The following BNC2 variants were observed in gnomAD, a reference collection of about 807,000 sequenced individuals.
BNC2 encodes the protein zinc finger protein basonuclin-2.
BNC2 carries 20 observed loss-of-function variants against 76.3 expected under a neutral mutation model. The observed-to-expected ratio is 0.26, with a 90% CI of 0.18 to 0.38. The LOEUF (loss-of-function observed/expected upper bound fraction) is 0.38, where lower values mean the gene tolerates loss of function less well. BNC2 is among the 10% of genes least tolerant of loss of function. The pLI is 1.00. For missense variants in BNC2, 1,382 were observed against 1,399.8 expected (o/e 0.99, Z 0.20); for synonymous variants, 582 against 514.8 (o/e 1.13, Z -1.77).
chr9:16,807,499 G>A (rs1197261155), intron 1 of BNC2, among the ~76,000 whole-genome samples: 1 of 152,140 alleles, frequency 6.6e-6, no homozygotes, highest in Non-Finnish European at 1.5e-5. Context: ...AAAGATGGAA[G>A]TTTTACTGGG....
chr9:16,835,741 C>G (rs1366767311), intron 1 of BNC2, among the ~76,000 whole-genome samples: 3 of 152,120 alleles, frequency 2.0e-5, no homozygotes, highest in East Asian at 1.9e-4. Context: ...ATCTATCTAG[C>G]AGAAAACTAT....
At chr9:16,604,957 G>A (rs1296411996) in intron 3 of BNC2, among the ~76,000 whole-genome samples, 1 of 152,112 alleles carries the variant, frequency 6.6e-6, no homozygotes, top group Non-Finnish European at 1.5e-5. Context: ...AAGCTAATAA[G>A]GCTACTGTAC....
At chr9:16,793,257 A>C (rs183538215) in intron 1 of BNC2, among the ~76,000 whole-genome samples, 4 of 152,204 alleles carry the variant, frequency 2.6e-5, no homozygotes, top group African/African-American at 9.6e-5. Context: ...ATTATCAATC[A>C]TAACAATCCA....
At chr9:16,694,210 A>G (rs1242832674) in intron 3 of BNC2, among the ~76,000 whole-genome samples, 1 of 152,162 alleles carries the variant, frequency 6.6e-6, no homozygotes, top group Non-Finnish European at 1.5e-5. Context: ...TGATTGAAAA[A>G]CTTATGTGAA....
chr9:16,744,337 G>A (rs562599430), intron 1 of BNC2, among the ~76,000 whole-genome samples: 5 of 152,254 alleles, frequency 3.3e-5, no homozygotes, highest in South Asian at 2.1e-4. Flanking sequence ...AAGGAAAAAC[G>A]TGGGAGAGAC....
chr9:16,441,019 T>C (rs1309353374), intron 5 of BNC2, among the ~76,000 whole-genome samples: 1 of 152,166 alleles, frequency 6.6e-6, no homozygotes, highest in East Asian at 1.9e-4. Context: ...GTGCCATAGG[T>C]GTCCTTTCCA....
intron 5 of BNC2, among the ~76,000 whole-genome samples, chr9:16,531,889 T>C (rs1377045935): frequency 2.6e-5 from 4 of 152,158 alleles, no homozygotes; most frequent in Non-Finnish European, 5.9e-5. Flanking sequence ...CCAATAGTAA[T>C]ATAGGAAGGA....
At chr9:16,855,993 G>A (rs1365117337) in intron 1 of BNC2, among the ~76,000 whole-genome samples, 1 of 152,086 alleles carries the variant, frequency 6.6e-6, no homozygotes, top group African/African-American at 2.4e-5. Context: ...CCGTACTTCA[G>A]GAATGCAATT....
rs1255336818 is a variant in BNC2 at position 16,767,507 on chromosome 9, A to G, written c.4-29022T>C. On this transcript the variant is annotated intron_variant, in intron 1 of 6. Coordinates refer to ENST00000380672, the MANE Select transcript of BNC2 (RefSeq NM_017637.6). ...TAGAGCTGAGCCTTTCCGGAGATCA[A>G]TGCTGAGGACAGAAATGGCTTCAGA... 2.0e-5 allele frequency among the ~76,000 whole-genome samples: 3 copies of G among 151,846 alleles called. No individual in the cohort carries two copies. In the East Asian group the frequency reaches 5.9e-4, roughly 30 times the overall value.
At chr9:16,551,364 G>A (rs1333590217) in intron 5 of BNC2, among the ~76,000 whole-genome samples, 1 of 152,172 alleles carries the variant, frequency 6.6e-6, no homozygotes, top group African/African-American at 2.4e-5. Flanking sequence ...ACAGGAAAAT[G>A]ACAAGAATCT....
intron 5 of BNC2, among the ~76,000 whole-genome samples, chr9:16,506,809 T>C (rs1243307553): frequency 1.3e-5 from 2 of 152,002 alleles, no homozygotes; most frequent in East Asian, 3.9e-4. Flanking sequence ...TGGAGTGCAG[T>C]GGTGCAATCT....
intron 5 of BNC2, among the ~76,000 whole-genome samples, chr9:16,502,546 CT>C (rs149919013): frequency 0.047 from 7,125 of 151,896 alleles, 387 homozygotes; most frequent in East Asian, 0.24. Context: ...TTTGTTTTGT[CT>C]TTTTTCCCCC....
At chr9:16,463,378 G>C (rs1821629881) in intron 5 of BNC2, among the ~76,000 whole-genome samples, 1 of 127,652 alleles carries the variant, frequency 7.8e-6, no homozygotes, top group South Asian at 2.4e-4. Context: ...CTCACTGCAA[G>C]CTCCGCCTCC....
intron 3 of BNC2, among the ~76,000 whole-genome samples, chr9:16,663,726 G>T (rs1051289921): frequency 6.6e-6 from 1 of 152,090 alleles, no homozygotes; most frequent in Non-Finnish European, 1.5e-5. Context: ...TGCCTGCTGG[G>T]ATATCTAATC....
intron 3 of BNC2, among the ~76,000 whole-genome samples, chr9:16,645,517 T>C (rs981900152): frequency 6.6e-6 from 1 of 152,178 alleles, no homozygotes; most frequent in Non-Finnish European, 1.5e-5. Flanking sequence ...CACTGTCTAT[T>C]TTATACTTGG....
chr9:16,424,454 AACTGAGGCCCC>A (rs112656643), intron 6 of BNC2, among the ~76,000 whole-genome samples: 10,545 of 152,188 alleles, frequency 0.069, 375 homozygotes, highest in Middle Eastern at 0.11. Context: ...AGGGAAAAAT[AACTGAGGCCCC>A]ACTTTGGATT....
At chr9:16,723,217 A>C (rs185685397) in intron 3 of BNC2, among the ~76,000 whole-genome samples, 1 of 152,246 alleles carries the variant, frequency 6.6e-6, no homozygotes, top group Non-Finnish European at 1.5e-5. Context: ...TAAAAAATGG[A>C]GAAAACTGCA....
chr9:16,561,450 G>C (rs1295163455), intron 4 of BNC2, among the ~76,000 whole-genome samples: 1 of 151,926 alleles, frequency 6.6e-6, no homozygotes, highest in East Asian at 1.9e-4. Flanking sequence ...CTAAGCTCAG[G>C]GTATAAAAAG....
intron 3 of BNC2, among the ~76,000 whole-genome samples, chr9:16,719,562 A>G (rs1002750318): frequency 1.3e-5 from 2 of 152,216 alleles, no homozygotes; most frequent in African/African-American, 2.4e-5. Flanking sequence ...ACACCTTAAT[A>G]AAGTTGAAAA....
Sources: gnomAD v4.1 joint callset for allele counts (sites outside exome capture counted in the v4.1 genomes callset) on GRCh38, gnomAD v4.1.1 for gene constraint, MANE v1.5 for transcripts, NCBI Gene and HGNC (gene_info 2026-07-23, HGNC 2026-07-21) for gene names.